Variants in MACROD2 observed in about 807,000 individuals in gnomAD.
MACROD2 encodes the protein mono-ADP ribosylhydrolase 2, also known as ADP-ribose glycohydrolase MACROD2.
Under a neutral mutation model 70.4 loss-of-function variants are expected in MACROD2, and 36 were observed. That is an observed-to-expected ratio of 0.51 (90% CI 0.39 to 0.68). MACROD2 has a LOEUF of 0.68. Ranked by LOEUF, MACROD2 falls within the 30% of genes least tolerant of loss-of-function variation. MACROD2 has a pLI of 0.00. For synonymous variants in MACROD2, 172 were observed against 178.8 expected (o/e 0.96, Z 0.30); for missense variants, 496 against 538.4 (o/e 0.92, Z 0.78).
intron 3 of MACROD2, among the ~76,000 whole-genome samples, chr20:14,449,723 A>T (rs954621397): frequency 1.3e-5 from 2 of 152,138 alleles, no homozygotes; most frequent in African/African-American, 2.4e-5. Flanking sequence ...GATAGTTTTC[A>T]TATCCTCATT....
intron 12 of MACROD2, among the ~76,000 whole-genome samples, chr20:15,963,092 A>G (rs6131747): frequency 0.067 from 10,203 of 152,280 alleles, 498 homozygotes; most frequent in East Asian, 0.25. Flanking sequence ...TAAGCCAGAG[A>G]TTCTATAGAG....
intron 8 of MACROD2, among the ~76,000 whole-genome samples, chr20:15,850,057 G>A (rs908033214): frequency 2.0e-5 from 3 of 152,280 alleles, no homozygotes; most frequent in Admixed American, 1.3e-4. Flanking sequence ...TAGGCTGAAT[G>A]TTGAGAGATG....
intron 8 of MACROD2, among the ~76,000 whole-genome samples, chr20:15,817,196 C>T (rs1013763141): frequency 5.9e-5 from 9 of 152,176 alleles, no homozygotes; most frequent in African/African-American, 2.2e-4. Context: ...TCAGTTTTCT[C>T]TTAAATCAAA....
chr20:15,349,090 C>T (rs1295445353), intron 6 of MACROD2, among the ~76,000 whole-genome samples: 1 of 152,064 alleles, frequency 6.6e-6, no homozygotes, highest in Admixed American at 6.6e-5. Context: ...TTTTAGCATG[C>T]ACCCAGATAA....
At chr20:15,477,099 GTTTT>G (rs371999407) in intron 7 of MACROD2, among the ~76,000 whole-genome samples, 1 of 115,390 alleles carries the variant, frequency 8.7e-6, no homozygotes. Context: ...TCTATTTTTA[GTTTT>G]TTTTTTTTTT....
chr20:14,600,504 G>T (rs899297169), intron 4 of MACROD2, among the ~76,000 whole-genome samples: 1 of 151,754 alleles, frequency 6.6e-6, no homozygotes, highest in Non-Finnish European at 1.5e-5. Flanking sequence ...TTTTTAAAAA[G>T]AATTAATTTT....
intron 5 of MACROD2, among the ~76,000 whole-genome samples, chr20:15,172,977 T>C (rs1476703739): frequency 6.6e-6 from 1 of 152,072 alleles, no homozygotes; most frequent in Non-Finnish European, 1.5e-5. Flanking sequence ...TAAAAACCAT[T>C]CAAAATGAAC....
intron 8 of MACROD2, among the ~76,000 whole-genome samples, chr20:15,609,063 A>G (rs1040658649): frequency 2.6e-5 from 4 of 151,992 alleles, no homozygotes; most frequent in African/African-American, 9.7e-5. Context: ...CACCTGCTCT[A>G]TTCCTCCAGA....
intron 5 of MACROD2, among the ~76,000 whole-genome samples, chr20:14,752,658 T>C (rs1235043864): frequency 2.0e-5 from 3 of 152,156 alleles, no homozygotes; most frequent in Admixed American, 1.3e-4. Flanking sequence ...TCGAGGACTT[T>C]CCATTGAATG....
intron 12 of MACROD2, among the ~76,000 whole-genome samples, chr20:15,939,850 A>C (rs1457323438): frequency 6.6e-6 from 1 of 152,142 alleles, no homozygotes; most frequent in Non-Finnish European, 1.5e-5. Flanking sequence ...GGTTTGAAAG[A>C]AGGTGATTCC....
chr20:15,777,723 C>A (rs1463480057), intron 8 of MACROD2, among the ~76,000 whole-genome samples: 3 of 151,736 alleles, frequency 2.0e-5, no homozygotes, highest in South Asian at 2.1e-4. Context: ...TGGCTTACTG[C>A]AACCTCTGCC....
intron 8 of MACROD2, among the ~76,000 whole-genome samples, chr20:15,761,415 T>A (rs2051433879): frequency 6.6e-6 from 1 of 152,126 alleles, no homozygotes; most frequent in African/African-American, 2.4e-5. Flanking sequence ...AAATACAACC[T>A]CAGTGCAAAA....
chr20:15,173,642 T>C (rs1457743958), intron 5 of MACROD2, among the ~76,000 whole-genome samples: 2 of 152,098 alleles, frequency 1.3e-5, no homozygotes, highest in Non-Finnish European at 2.9e-5. Flanking sequence ...CAATTTTTTT[T>C]TGGCAGACAG....
chr20:15,096,108 G>A (rs1029104599), intron 5 of MACROD2, among the ~76,000 whole-genome samples: 2 of 152,086 alleles, frequency 1.3e-5, no homozygotes, highest in African/African-American at 2.4e-5. Context: ...CGTGAAGGTA[G>A]ATACAATTAA....
intron 6 of MACROD2, among the ~76,000 whole-genome samples, chr20:15,315,936 A>C (rs191208749): frequency 2.0e-5 from 3 of 152,140 alleles, no homozygotes; most frequent in African/African-American, 2.4e-5. Context: ...AGCAGGCAAA[A>C]GCTGCATTTG....
At position 15,027,707 on chromosome 20, in the gene MACROD2, TAAA is replaced by T. The variant is rs35450737; in HGVS notation, c.419-202218_419-202216del. On this transcript the variant is annotated intron_variant, in intron 5 of 17. Coordinates refer to ENST00000684519, the MANE Select transcript of MACROD2 (RefSeq NM_001351661.2). ...CTGGGCAAGAGTAGGACTCTCTAATTAAAAAAAAAAAAAAAAATGAAAAAAAAT... is the reference window on the plus strand; with the variant it reads ...CTGGGCAAGAGTAGGACTCTCTAATTAAAAAAAAAAAAAATGAAAAAAAAT... 2.0e-3 allele frequency among the ~76,000 whole-genome samples: 256 copies of T among 131,028 alleles called. 2 individuals carry two copies. Among genetic ancestry groups the T allele is most frequent in the African/African-American group, 6.4e-3 (227 of 35,716 alleles). The allele number at this position is 131,028 out of a possible 152,430, so 86.0% of individuals were successfully genotyped here.
At chr20:14,457,768 A>G (rs2084320300) in intron 3 of MACROD2, among the ~76,000 whole-genome samples, 1 of 152,104 alleles carries the variant, frequency 6.6e-6, no homozygotes, top group South Asian at 2.1e-4. Flanking sequence ...TACTGACAAG[A>G]GAGGAAGAAA....
At chr20:14,115,717 A>G (rs187898392) in intron 3 of MACROD2, among the ~76,000 whole-genome samples, 1 of 152,306 alleles carries the variant, frequency 6.6e-6, no homozygotes, top group Admixed American at 6.5e-5. Flanking sequence ...TTGAAGAGTG[A>G]AATTGAGATT....
intron 3 of MACROD2, among the ~76,000 whole-genome samples, chr20:14,265,233 G>C (rs898478888): frequency 6.6e-6 from 1 of 152,194 alleles, no homozygotes; most frequent in African/African-American, 2.4e-5. Context: ...CAGATGATCA[G>C]CTGATTCTTT....
Sources: allele counts gnomAD v4.1 joint callset (sites outside exome capture counted in the v4.1 genomes callset), GRCh38; gene constraint gnomAD v4.1.1; transcripts MANE v1.5; gene names NCBI Gene and HGNC (gene_info 2026-07-23, HGNC 2026-07-21).